Variants in NR6A1 observed in about 807,000 individuals in gnomAD.
NR6A1 encodes nuclear receptor subfamily 6 group A member 1, also known as retinoic acid receptor-related testis-associated receptor.
Under a neutral mutation model 59.1 loss-of-function variants are expected in NR6A1, and 7 were observed. The ratio of observed to expected loss-of-function variants is 0.12; its 90% CI spans 0.07 to 0.22. The LOEUF is 0.22. Among genes scored for constraint, NR6A1 ranks in the 10% least tolerant of loss-of-function variants. The pLI is 1.00. For synonymous variants in NR6A1, 243 were observed against 236.1 expected, an observed-to-expected ratio of 1.03 and a Z score of -0.27; for missense variants, 468 against 611.6, an observed-to-expected ratio of 0.77 and a Z score of 2.48.
At position 124,733,279 on chromosome 9, in the gene NR6A1, A is replaced by G. The variant is rs201554783; in HGVS notation, c.142+29T>C. The G allele has an allele frequency of 6.3e-5, 99 of 1,567,544 alleles. 1 individual carries two copies. Among genetic ancestry groups the G allele is most frequent in the Non-Finnish European group, 7.6e-5 (87 of 1,137,822 alleles). ...GTACACACACATCCTTTTCTTACCA[A>G]AGAATATTGGGTAACATTGAGAACT... On this transcript the variant is annotated intron_variant, in intron 2 of 9. Transcript: ENST00000487099.
intron 6 of NR6A1, among the ~76,000 whole-genome samples, chr9:124,536,609 G>A (rs898628227): frequency 1.3e-5 from 2 of 151,696 alleles, no homozygotes; most frequent in African/African-American, 4.9e-5. Flanking sequence ...AGATTGCAGT[G>A]AGCTGAGATT....
At chr9:124,675,768 A>G (rs1439551293) in intron 2 of NR6A1, among the ~76,000 whole-genome samples, 1 of 152,204 alleles carries the variant, frequency 6.6e-6, no homozygotes. Context: ...CTGCTGGGCA[A>G]GCCTGGTACA....
At chr9:124,541,361 T>C (rs1277304649) in intron 4 of NR6A1, among the ~76,000 whole-genome samples, 2 of 151,952 alleles carry the variant, frequency 1.3e-5, no homozygotes, top group East Asian at 1.9e-4. Flanking sequence ...AAATGACCAA[T>C]AGGTATATAA....
At chr9:124,608,172 C>T (rs2130835877) in intron 2 of NR6A1, among the ~76,000 whole-genome samples, 1 of 152,252 alleles carries the variant, frequency 6.6e-6, no homozygotes, top group South Asian at 2.1e-4. Flanking sequence ...TTTTACGTTT[C>T]AGGGTACATG....
intron 1 of NR6A1, among the ~76,000 whole-genome samples, chr9:124,749,378 C>G (rs1298981982): frequency 1.3e-5 from 2 of 152,082 alleles, no homozygotes; most frequent in South Asian, 4.1e-4. Flanking sequence ...TTTGCAGCAG[C>G]TTTAGGGAAA....
At chr9:124,644,004 G>A (rs545509570) in intron 2 of NR6A1, among the ~76,000 whole-genome samples, 33 of 152,150 alleles carry the variant, frequency 2.2e-4, no homozygotes, top group South Asian at 8.3e-4. Flanking sequence ...GGGTTCAAGC[G>A]ATTCTCCAGC....
At chr9:124,570,665 T>G (rs879562601) in intron 2 of NR6A1, among the ~76,000 whole-genome samples, 1 of 150,062 alleles carries the variant, frequency 6.7e-6, no homozygotes, top group Non-Finnish European at 1.5e-5. Context: ...TTAGGTTTTC[T>G]AGTTGGAGAA....
At chr9:124,642,762 C>T (rs1243358373) in intron 2 of NR6A1, among the ~76,000 whole-genome samples, 2 of 152,092 alleles carry the variant, frequency 1.3e-5, no homozygotes, top group African/African-American at 4.8e-5. Flanking sequence ...ATATAAAAGA[C>T]AACGTGTAGA....
At chr9:124,615,759 T>G (rs1376047210) in intron 2 of NR6A1, among the ~76,000 whole-genome samples, 1 of 152,148 alleles carries the variant, frequency 6.6e-6, no homozygotes, top group East Asian at 1.9e-4. Context: ...ACAATTAAAA[T>G]GAGCAGTAGC....
Position 124,526,769 on chromosome 9 carries a change from A to G in NR6A1, c.1201+10T>C, listed in dbSNP as rs1266944172. 33 of 1,612,662 alleles carry G rather than the reference A, an allele frequency of 2.0e-5. No individual in the cohort carries two copies. The highest frequency in any genetic ancestry group is 2.8e-5 in the Non-Finnish European group (33 of 1,179,082). On this transcript the variant is annotated intron_variant, in intron 8 of 9. Transcript: ENST00000487099. ...CTGCAAACGTCCCTTTTCCCACCCC[A>G]GCCACTCACCTTGATTTAGGAAGTT...
At chr9:124,696,849 G>T (rs1838781183) in intron 2 of NR6A1, among the ~76,000 whole-genome samples, 1 of 151,978 alleles carries the variant, frequency 6.6e-6, no homozygotes, top group South Asian at 2.1e-4. Context: ...GTAGAGACAG[G>T]ATTTTGCCAT....
chr9:124,650,789 CTGG>C (rs1169843186), intron 2 of NR6A1, among the ~76,000 whole-genome samples: 1 of 152,206 alleles, frequency 6.6e-6, no homozygotes, highest in Non-Finnish European at 1.5e-5. Flanking sequence ...GATGGGCTCA[CTGG>C]TGAATTCTAG....
At chr9:124,664,070 A>G (rs1027435352) in intron 2 of NR6A1, among the ~76,000 whole-genome samples, 38 of 152,234 alleles carry the variant, frequency 2.5e-4, no homozygotes, top group African/African-American at 8.7e-4. Context: ...TTGAAAACAC[A>G]GAAAATTCAT....
At chr9:124,731,888 G>C (rs1318065149) in intron 2 of NR6A1, among the ~76,000 whole-genome samples, 1 of 152,136 alleles carries the variant, frequency 6.6e-6, no homozygotes, top group Non-Finnish European at 1.5e-5. Flanking sequence ...AAAGTTATAA[G>C]TGGACTTTCA....
chr9:124,576,840 C>T (rs528618478), intron 2 of NR6A1, among the ~76,000 whole-genome samples: 46 of 152,154 alleles, frequency 3.0e-4, no homozygotes, highest in Admixed American at 2.2e-3. Flanking sequence ...GAAGATCATC[C>T]GAGCTCAGGA....
At chr9:124,554,664 C>A (rs2131386742) in intron 2 of NR6A1, 94 bp from the exon 3 acceptor site, 1 of 1,510,202 alleles carries the variant, frequency 6.6e-7, no homozygotes, top group East Asian at 2.3e-5. Context: ...ATTAAGACCA[C>A]CACTATCTCC....
intron 7 of NR6A1, among the ~76,000 whole-genome samples, chr9:124,533,903 C>T (rs1833172370): frequency 1.3e-5 from 2 of 151,578 alleles, no homozygotes; most frequent in Admixed American, 1.3e-4. Flanking sequence ...CCTGCCTCAG[C>T]CTCTCAAAGT....
intron 2 of NR6A1, among the ~76,000 whole-genome samples, chr9:124,638,644 T>C (rs1386558115): frequency 6.6e-6 from 1 of 152,220 alleles, no homozygotes; most frequent in African/African-American, 2.4e-5. Flanking sequence ...TTAAGCTTTC[T>C]GAGCCTCAGG....
intron 2 of NR6A1, among the ~76,000 whole-genome samples, chr9:124,587,680 C>T (rs544585702): frequency 7.9e-5 from 12 of 152,308 alleles, no homozygotes; most frequent in African/African-American, 2.9e-4. Flanking sequence ...CCAGAAAGTG[C>T]TTTTGTAACT....
Sources: gnomAD v4.1 joint callset for allele counts (sites outside exome capture counted in the v4.1 genomes callset) on GRCh38, gnomAD v4.1.1 for gene constraint, MANE v1.5 for transcripts, NCBI Gene and HGNC (gene_info 2026-07-23, HGNC 2026-07-21) for gene names.